Variants in TANGO2 observed in about 807,000 individuals in gnomAD.
TANGO2 encodes the protein transport and golgi organization 2 homolog, also known as transport and Golgi organization protein 2 homolog.
In TANGO2, 26 loss-of-function variants were observed where a neutral mutation model predicts 39.1. The ratio of observed to expected loss-of-function variants is 0.67; its 90% CI spans 0.49 to 0.92. TANGO2 has a LOEUF of 0.92. TANGO2 is among the 40% of genes least tolerant of loss of function. The pLI is 0.00. For missense variants in TANGO2, 326 were observed against 360.1 expected, an observed-to-expected ratio of 0.91 and a Z score of 0.77; for synonymous variants, 131 against 144.5, an observed-to-expected ratio of 0.91 and a Z score of 0.67.
At chr22:20,063,195 A>G in intron 7 of TANGO2, 143 bp from the exon 8 acceptor site, 1 of 627,040 alleles carries the variant, frequency 1.6e-6, no homozygotes, top group Non-Finnish European at 2.8e-6. Flanking sequence ...AGAAGAGGAA[A>G]AAGAAAAGAA....
intron 5 of TANGO2, chr22:20,055,601 G>A (rs1369574807): frequency 2.5e-6 from 1 of 395,180 alleles, no homozygotes; most frequent in African/African-American, 2.0e-5. Context: ...GGTGATGTGG[G>A]GATGGGGCTC....
In TANGO2 at chr22:20,061,552, G is replaced by A. The variant is rs781721580; in HGVS notation, c.474G>A (p.Ala158=). Residue 158 remains alanine, a synonymous_variant, in exon 7 of 9, where the codon GCG becomes GCA. Coordinates refer to ENST00000327374, the MANE Select transcript of TANGO2 (RefSeq NM_152906.7). The part of the protein sequence containing the change: ...LTPGTYGLSN[A]LLETPWRKLC... ...CAGGCACCTACGGGCTGAGCAACGCGCTGCTGGAGACTCCCTGGAGGAAGC... is the reference window on the plus strand; with the variant it reads ...CAGGCACCTACGGGCTGAGCAACGCACTGCTGGAGACTCCCTGGAGGAAGC... 1.1e-5 allele frequency: 18 copies of A among 1,606,578 alleles called. No individual in the cohort carries two copies. The highest frequency in any genetic ancestry group is 4.5e-5 in the East Asian group (2 of 44,774).
chr22:20,044,503 G>A (rs925797869), intron 3 of TANGO2, among the ~76,000 whole-genome samples: 6 of 152,094 alleles, frequency 3.9e-5, no homozygotes, highest in African/African-American at 1.2e-4. Flanking sequence ...TCCAGCATGG[G>A]TGACAGAGCG....
At position 20,063,382 on chromosome 22, in the gene TANGO2, T is replaced by C. The variant is rs1401366067; in HGVS notation, c.650T>C (p.Val217Ala). ...PAIEDQGGEY[V>A]QPMLSKYAAV... ...ATCGAGGACCAGGGTGGGGAGTACG[T>C]GCAGCCCATGCTGAGCAAGTACGCG... Residue 217 changes from valine (V) to alanine (A), a missense_variant, in exon 8 of 9, where the codon GTG becomes GCG. Val to Ala is a moderately conservative substitution (Grantham distance 64, BLOSUM62 0). Coordinates refer to ENST00000327374, the MANE Select transcript of TANGO2 (RefSeq NM_152906.7). 3.7e-6 allele frequency: 6 copies of C among 1,613,378 alleles called. No homozygotes were observed. Among genetic ancestry groups the C allele is most frequent in the Admixed American group, 1.7e-5 (1 of 59,988 alleles).
At chr22:20,046,637 G>A (rs1215813457) in intron 3 of TANGO2, among the ~76,000 whole-genome samples, 1 of 151,742 alleles carries the variant, frequency 6.6e-6, no homozygotes, top group Non-Finnish European at 1.5e-5. Context: ...GCTAATTTTT[G>A]TATTTTTGTA....
At chr22:20,034,385 T>C (rs937103156) in intron 1 of TANGO2, among the ~76,000 whole-genome samples, 2 of 152,250 alleles carry the variant, frequency 1.3e-5, no homozygotes, top group Admixed American at 1.3e-4. Context: ...TCTTTCATTA[T>C]GTGGTTCTTT....
In TANGO2 at chr22:20,057,811, G is replaced by A. The variant is rs565160245; in HGVS notation, c.451+1798G>A. Among the ~76,000 whole-genome samples the A allele has an allele frequency of 4.6e-5, 7 of 152,274 alleles. No homozygotes were observed. In the South Asian group the frequency reaches 1.5e-3, roughly 32 times the overall value. ...GAATTGGAAACTAAAAGGTGCAAAAGCAGTCAGAGACTCCCTACCACCCCC... is the reference window on the plus strand; with the variant it reads ...GAATTGGAAACTAAAAGGTGCAAAAACAGTCAGAGACTCCCTACCACCCCC... On this transcript the variant is annotated intron_variant, in intron 6 of 8. Coordinates refer to ENST00000327374, the MANE Select transcript of TANGO2 (RefSeq NM_152906.7). This position sits in a 1 kb window ranked among gnomAD's most constrained non-coding sequence, Gnocchi z 4.1.
At chr22:20,042,133 C>T (rs545686376) in intron 2 of TANGO2, among the ~76,000 whole-genome samples, 37 of 151,388 alleles carry the variant, frequency 2.4e-4, no homozygotes, top group Non-Finnish European at 8.8e-5. Context: ...AGGCATGCAC[C>T]ACCACACCTG....
upstream of TANGO2, chr22:20,017,036 T>A (rs565173867): frequency 3.7e-4 from 57 of 152,178 alleles, no homozygotes; most frequent in African/African-American, 1.3e-3. Context: ...TGCCCGAACC[T>A]CTGCGGCGGC....
intron 6 of TANGO2, chr22:20,056,914 C>T (rs1767571242): frequency 2.2e-6 from 1 of 456,686 alleles, no homozygotes. Flanking sequence ...AAGCTGCTGG[C>T]TCACACAGGG....
intron 1 of TANGO2, among the ~76,000 whole-genome samples, chr22:20,034,942 C>T (rs1441261481): frequency 1.3e-5 from 2 of 152,258 alleles, no homozygotes; most frequent in Non-Finnish European, 2.9e-5. Context: ...ATATTTCATC[C>T]AGCATCTTGA....
chr22:20,020,772 G>T (rs1395459428), upstream of TANGO2, among the ~76,000 whole-genome samples: 2 of 152,132 alleles, frequency 1.3e-5, no homozygotes. Context: ...TCCGAGAGAG[G>T]CCGCAGGGTG....
At chr22:20,018,255 A>C (rs559132920), upstream of TANGO2, among the ~76,000 whole-genome samples, 81 of 152,364 alleles carry the variant, frequency 5.3e-4, no homozygotes, top group Non-Finnish European at 9.3e-4. Context: ...GCCTCCTGGC[A>C]TAGGGTTGTT....
intron 2 of TANGO2, among the ~76,000 whole-genome samples, chr22:20,042,548 G>C (rs1341240438): frequency 6.6e-6 from 1 of 152,116 alleles, no homozygotes; most frequent in African/African-American, 2.4e-5. Context: ...TAGATCATTT[G>C]AGGTCAGGAG....
chr22:20,025,758 G>A (rs1405808830), intron 1 of TANGO2, among the ~76,000 whole-genome samples: 1 of 152,224 alleles, frequency 6.6e-6, no homozygotes, highest in Non-Finnish European at 1.5e-5. Context: ...GTGTCACTTT[G>A]TGGACTTGGG....
At position 20,034,600 on chromosome 22, in the gene TANGO2, T is replaced by TA. The variant is rs2042497053; in HGVS notation, c.-39-2160_-39-2159insA. ...GCTGTGCCACAGCTTCTCAGAAACT[T>TA]CCCTTCACTTATGTGCAATGTCCCC... On this transcript the variant is annotated intron_variant, in intron 1 of 8. Coordinates refer to ENST00000327374, the MANE Select transcript of TANGO2 (RefSeq NM_152906.7). 2.6e-5 allele frequency among the ~76,000 whole-genome samples: 4 copies of TA among 152,262 alleles called. No homozygotes were observed. In the South Asian group the frequency reaches 8.3e-4, roughly 32 times the overall value.
chr22:20,020,630 G>A (rs972237507), upstream of TANGO2, among the ~76,000 whole-genome samples: 1 of 152,088 alleles, frequency 6.6e-6, no homozygotes, highest in Non-Finnish European at 1.5e-5. Flanking sequence ...CCGACCTGGA[G>A]GCCATAAAGT....
intron 5 of TANGO2, chr22:20,054,099 C>T (rs1201350862): frequency 3.3e-5 from 9 of 270,214 alleles, no homozygotes; most frequent in African/African-American, 1.4e-4. Flanking sequence ...CACATTGTGG[C>T]GGGCCCTGAA....
intron 1 of TANGO2, among the ~76,000 whole-genome samples, chr22:20,033,827 C>T (rs2146991885): frequency 6.6e-6 from 1 of 152,404 alleles, no homozygotes; most frequent in Non-Finnish European, 1.5e-5. Flanking sequence ...GGTTCTGCAT[C>T]ATCAGCTGCA....
Sources: allele counts gnomAD v4.1 joint callset (sites outside exome capture counted in the v4.1 genomes callset), GRCh38; gene constraint gnomAD v4.1.1; non-coding constraint Gnocchi (gnomAD v3.1); transcripts MANE v1.5; gene names NCBI Gene and HGNC (gene_info 2026-07-23, HGNC 2026-07-21).